MYLK: variants seen among roughly 807,000 people sequenced by gnomAD.
MYLK encodes the protein myosin light chain kinase, smooth muscle.
Under a neutral mutation model 203.4 loss-of-function variants are expected in MYLK, and 106 were observed. That is an observed-to-expected ratio of 0.52 (90% confidence interval 0.45 to 0.61). MYLK has a LOEUF of 0.61. MYLK is among the 20% of genes least tolerant of loss of function. The pLI, the probability that MYLK is intolerant of heterozygous loss-of-function variation, is 0.00. For synonymous variants in MYLK, 867 were observed against 959.5 expected (o/e 0.90, Z 1.78); for missense variants, 2,072 against 2,442.3 (o/e 0.85, Z 3.20).
chr3:123,747,318 C>T (rs1442944168), intron 5 of MYLK, among the ~76,000 whole-genome samples: 1 of 152,164 alleles, frequency 6.6e-6, no homozygotes, highest in Admixed American at 6.5e-5. Flanking sequence ...CCCTCTCTCT[C>T]TCACATAGTC....
At chr3:123,844,120 C>T (rs1265833770) in intron 2 of MYLK, among the ~76,000 whole-genome samples, 1 of 152,118 alleles carries the variant, frequency 6.6e-6, no homozygotes, top group East Asian at 1.9e-4. Flanking sequence ...CTGAGGTGTC[C>T]TCTTTAGTCA....
At chr3:123,677,018 C>CG (rs2060091768) in intron 20 of MYLK, among the ~76,000 whole-genome samples, 1 of 152,188 alleles carries the variant, frequency 6.6e-6, no homozygotes. Flanking sequence ...TCTCCCCTCA[C>CG]GCAAAATTCC....
rs1220550058 is a variant in MYLK, at chr3:123,662,120, C to T, written c.3985+1985G>A. ...GGCACAGACATCAACAACTCTCTGG[C>T]ATGTGGACAGCTCCCCAAAAGGCTT... On this transcript the variant is annotated intron_variant, in intron 23 of 33. Transcript: ENST00000360304. Among the ~76,000 whole-genome samples the T allele has an allele frequency of 4.6e-5, 7 of 152,194 alleles. No individual in the cohort carries two copies. The South Asian group carries it at 1.4e-3, about 32-fold the overall frequency.
chr3:123,763,883 TTC>T (rs1242428779), intron 4 of MYLK, among the ~76,000 whole-genome samples: 2 of 152,202 alleles, frequency 1.3e-5, no homozygotes, highest in Non-Finnish European at 2.9e-5. Context: ...GTTTTGAGAA[TTC>T]TCTCTCTACT....
At chr3:123,857,151 G>C (rs1462416708) in intron 2 of MYLK, among the ~76,000 whole-genome samples, 12 of 151,846 alleles carry the variant, frequency 7.9e-5, no homozygotes. Flanking sequence ...GAAACAACAG[G>C]TGCTGGAGAG....
intron 4 of MYLK, among the ~76,000 whole-genome samples, chr3:123,778,241 G>A (rs559981590): frequency 1.3e-5 from 2 of 152,196 alleles, no homozygotes; most frequent in Admixed American, 6.5e-5. Flanking sequence ...CACATATATG[G>A]TATAGAGTAT....
At chr3:123,750,103 C>T (rs1391626651) in intron 5 of MYLK, among the ~76,000 whole-genome samples, 3 of 152,244 alleles carry the variant, frequency 2.0e-5, no homozygotes, top group Non-Finnish European at 2.9e-5. Context: ...CCCCAAACCA[C>T]ACATTAGCTT....
At chr3:123,692,884 G>T (rs2060738332) in intron 18 of MYLK, 33 bp from the exon 19 acceptor site, 3 of 1,567,600 alleles carry the variant, frequency 1.9e-6, no homozygotes, top group Non-Finnish European at 1.8e-6. Flanking sequence ...TGAACCAGGT[G>T]TGGTCGTAGT....
chr3:123,621,806 C>T (rs1423459698), intron 31 of MYLK: 1 of 152,338 alleles, frequency 6.6e-6, no homozygotes. Flanking sequence ...TGTTTCTGGC[C>T]TCTGCCACCA....
intron 13 of MYLK, among the ~76,000 whole-genome samples, chr3:123,719,034 A>G (rs1190405698): frequency 6.6e-6 from 1 of 152,138 alleles, no homozygotes; most frequent in Non-Finnish European, 1.5e-5. Context: ...AGTTTCCAGG[A>G]TTTGGAGAAG....
At chr3:123,812,888 C>T (rs1408880270) in intron 3 of MYLK, among the ~76,000 whole-genome samples, 1 of 152,218 alleles carries the variant, frequency 6.6e-6, no homozygotes, top group Non-Finnish European at 1.5e-5. Context: ...CAGGGTCACA[C>T]CAATTCTCCT....
chr3:123,833,054 G>A (rs2066383697), intron 2 of MYLK, among the ~76,000 whole-genome samples: 1 of 152,096 alleles, frequency 6.6e-6, no homozygotes, highest in African/African-American at 2.4e-5. Context: ...CAAAGAAGGG[G>A]CAGGATGAGG....
At position 123,862,314 on chromosome 3, in the gene MYLK, AC is replaced by A. The variant is rs1295708616; in HGVS notation, c.-127+14244del. Reference sequence around the variant, plus strand: ...GGGTCTACTATATTTCTGGGCCTTGACCACATTCTTAAAATACTGAATCTTA... The same window carrying A: ...GGGTCTACTATATTTCTGGGCCTTGACACATTCTTAAAATACTGAATCTTA... On this transcript the variant is annotated intron_variant, in intron 2 of 33. Coordinates refer to ENST00000360304, the MANE Select transcript of MYLK (RefSeq NM_053025.4). 7.9e-5 allele frequency among the ~76,000 whole-genome samples: 12 copies of A among 152,340 alleles called. No homozygotes were observed. In the East Asian group the frequency reaches 2.1e-3, roughly 27 times the overall value.
rs143002477 is a variant in MYLK, at chr3:123,873,886, A to G, written c.-127+2673T>C. Among the ~76,000 whole-genome samples the G allele has an allele frequency of 5.3e-3, 813 of 152,274 alleles. 6 individuals carry two copies. The highest frequency in any genetic ancestry group is 0.018 in the African/African-American group (745 of 41,586). On this transcript the variant is annotated intron_variant, in intron 2 of 33. Coordinates refer to ENST00000360304, the MANE Select transcript of MYLK (RefSeq NM_053025.4). ...ATGAACAATTGGAAAACAGAATTTT[A>G]CTAAAAGTACCATTAAAAATTACAC... is the stretch of plus-strand genomic sequence containing the variant.
intron 3 of MYLK, among the ~76,000 whole-genome samples, chr3:123,802,555 T>G (rs1326899785): frequency 5.3e-5 from 8 of 152,250 alleles, no homozygotes; most frequent in Admixed American, 3.3e-4. Flanking sequence ...AGAAAGTTAT[T>G]TTTAAATTTT....
chr3:123,847,643 T>A (rs747214573), intron 2 of MYLK, among the ~76,000 whole-genome samples: 5 of 152,154 alleles, frequency 3.3e-5, no homozygotes, highest in Non-Finnish European at 2.9e-5. Flanking sequence ...AAATTCTGAC[T>A]AATGTTTTTT....
In MYLK at chr3:123,734,532, C is replaced by G. The variant is rs146672348; in HGVS notation, c.774-310G>C. ...CACCGGTGTCCCGTGTCCACTCTGC[C>G]CTCTCTAATCTATTTTCTATACAGC... On this transcript the variant is annotated intron_variant, in intron 9 of 33. Transcript: ENST00000360304. The G allele has an allele frequency of 3.0e-3, 895 of 302,814 alleles. 10 individuals carry two copies. Among genetic ancestry groups the G allele is most frequent in the African/African-American group, 0.018 (820 of 46,184 alleles). 18.8% of individuals were successfully genotyped at this position (302,814 alleles called of 1,614,324 possible).
At chr3:123,869,557 T>C (rs1178095197) in intron 2 of MYLK, among the ~76,000 whole-genome samples, 1 of 152,110 alleles carries the variant, frequency 6.6e-6, no homozygotes, top group Non-Finnish European at 1.5e-5. Flanking sequence ...CTCTGAAATA[T>C]TCTAGGCAGG....
chr3:123,614,459 A>G lies in MYLK; in HGVS notation c.5501-110T>C. ...ACTATTGATTAAGGTGGTTAAGGAG[A>G]AAATTTTGATGTTGGCCTTTATCGA... On this transcript the variant is annotated intron_variant, in intron 33 of 33. Transcript: ENST00000360304. 6 of 1,353,472 alleles carry G rather than the reference A, an allele frequency of 4.4e-6. No homozygotes were observed. In the South Asian group the frequency reaches 6.1e-5, roughly 14 times the overall value. 83.8% of individuals were successfully genotyped at this position (1,353,472 alleles called of 1,614,324 possible).
Sources: gnomAD v4.1 joint callset for allele counts (sites outside exome capture counted in the v4.1 genomes callset) on GRCh38, gnomAD v4.1.1 for gene constraint, MANE v1.5 for transcripts, NCBI Gene and HGNC (gene_info 2026-07-23, HGNC 2026-07-21) for gene names.